The following STAG1 variants were observed in gnomAD, a reference collection of about 807,000 sequenced individuals.
STAG1 encodes cohesin subunit SA-1.
A neutral mutation model predicts 170.9 loss-of-function variants in STAG1; 26 were observed. That is an observed-to-expected ratio of 0.15 (90% confidence interval 0.11 to 0.21). The LOEUF is 0.21. STAG1 is among the 10% of genes least tolerant of loss of function. The probability of loss-of-function intolerance (pLI) is 1.00; values close to 1 mark genes in which losing one functional copy is unlikely to be tolerated. For synonymous variants in STAG1, 514 were observed against 497.7 expected, an observed-to-expected ratio of 1.03 and a Z score of -0.44; for missense variants, 964 against 1,509.5, an observed-to-expected ratio of 0.64 and a Z score of 5.99.
intron 9 of STAG1, among the ~76,000 whole-genome samples, chr3:136,492,055 G>A (rs1053041206): frequency 6.6e-6 from 1 of 152,182 alleles, no homozygotes; most frequent in Non-Finnish European, 1.5e-5. Flanking sequence ...TGGTAAGTGG[G>A]ACACAAAGTG....
chr3:136,585,316 C>A (rs1190158144), intron 4 of STAG1, among the ~76,000 whole-genome samples: 1 of 152,120 alleles, frequency 6.6e-6, no homozygotes, highest in Non-Finnish European at 1.5e-5. Flanking sequence ...GTGGTGTTCA[C>A]CTGTAATCTC....
At chr3:136,669,533 T>C (rs1941916321) in intron 1 of STAG1, among the ~76,000 whole-genome samples, 1 of 151,968 alleles carries the variant, frequency 6.6e-6, no homozygotes, top group Admixed American at 6.6e-5. Context: ...TTTTTATTTT[T>C]ATTTTTGTAG....
chr3:136,393,241 G>A (rs113736374), intron 22 of STAG1, among the ~76,000 whole-genome samples: 178 of 152,188 alleles, frequency 1.2e-3, no homozygotes, highest in African/African-American at 2.5e-3. Flanking sequence ...AAACTTCAGG[G>A]AAAAAATTAA....
intron 7 of STAG1, among the ~76,000 whole-genome samples, chr3:136,520,531 C>T (rs1934620255): frequency 6.6e-6 from 1 of 151,930 alleles, no homozygotes; most frequent in Non-Finnish European, 1.5e-5. Flanking sequence ...ACAGTTAAAG[C>T]AGTGACGGAA....
At chr3:136,370,853 TATA>T (rs1937295162) in intron 23 of STAG1, among the ~76,000 whole-genome samples, 1 of 152,232 alleles carries the variant, frequency 6.6e-6, no homozygotes, top group Admixed American at 6.5e-5. Context: ...CAGCATGATT[TATA>T]ATCCTTTGGG....
At chr3:136,698,003 G>A (rs1226400321) in intron 1 of STAG1, among the ~76,000 whole-genome samples, 1 of 151,616 alleles carries the variant, frequency 6.6e-6, no homozygotes, top group African/African-American at 2.4e-5. Context: ...TATAGACAGA[G>A]CAAGATTACG....
intron 12 of STAG1, among the ~76,000 whole-genome samples, chr3:136,469,061 C>T (rs2089551853): frequency 6.6e-6 from 1 of 152,166 alleles, no homozygotes; most frequent in African/African-American, 2.4e-5. Context: ...AAAGCATTCC[C>T]TTTGAAAACT....
chr3:136,367,425 G>A (rs1483212868), intron 24 of STAG1, among the ~76,000 whole-genome samples: 2 of 151,992 alleles, frequency 1.3e-5, no homozygotes. Context: ...TTTTATTTAA[G>A]AGATTTGGGC....
intron 28 of STAG1, among the ~76,000 whole-genome samples, chr3:136,352,596 C>A (rs1021892317): frequency 6.6e-6 from 1 of 152,160 alleles, no homozygotes; most frequent in African/African-American, 2.4e-5. Context: ...TACAAAGTCC[C>A]CAACTTACAA....
At chr3:136,445,349 ACT>A (rs1365355297) in intron 14 of STAG1, among the ~76,000 whole-genome samples, 1 of 152,162 alleles carries the variant, frequency 6.6e-6, no homozygotes, top group African/African-American at 2.4e-5. Flanking sequence ...GAGGTGCACA[ACT>A]CAAGAGTCAA....
At chr3:136,666,020 C>A (rs552182767) in intron 1 of STAG1, among the ~76,000 whole-genome samples, 1 of 125,174 alleles carries the variant, frequency 8.0e-6, no homozygotes, top group Non-Finnish European at 1.6e-5. Context: ...GCTTGCAGTG[C>A]GCCGAGATTG....
intron 5 of STAG1, among the ~76,000 whole-genome samples, chr3:136,545,548 C>A (rs566985876): frequency 1.1e-4 from 16 of 152,182 alleles, no homozygotes; most frequent in African/African-American, 3.9e-4. Context: ...AAATGTAGAA[C>A]TTAACAGTTA....
At chr3:136,710,500 C>T (rs139748314) in intron 1 of STAG1, among the ~76,000 whole-genome samples, 1,665 of 152,230 alleles carry the variant, frequency 0.011, 15 homozygotes, top group Middle Eastern at 0.027. Context: ...ATTAAGCCTA[C>T]CCGGTACTTT....
intron 1 of STAG1, among the ~76,000 whole-genome samples, chr3:136,714,174 C>T (rs139176773): frequency 5.2e-4 from 79 of 152,114 alleles, no homozygotes; most frequent in African/African-American, 1.8e-3. Context: ...CCTGCACTCC[C>T]GTCTGAGCAA....
Position 136,417,864 on chromosome 3 carries a change from G to A in STAG1, c.2196+21C>T, listed in dbSNP as rs7340531. The A allele has an allele frequency of 1.9e-6, 3 of 1,584,402 alleles. No individual in the cohort carries two copies. In the African/African-American group the frequency reaches 4.0e-5, roughly 21 times the overall value. On this transcript the variant is annotated intron_variant, in intron 21 of 33. Coordinates refer to ENST00000383202, the MANE Select transcript of STAG1 (RefSeq NM_005862.3). ...AACAACTTTCTAGAGTCATACAGAA[G>A]GAATACCAATAAACTCCTACCTGTT...
At chr3:136,497,970 A>G (rs1559841468) in intron 9 of STAG1, among the ~76,000 whole-genome samples, 3 of 151,024 alleles carry the variant, frequency 2.0e-5, no homozygotes. Flanking sequence ...AGGCAGGCAG[A>G]TCACCTGAGG....
At chr3:136,425,055 A>G (rs113276127) in intron 16 of STAG1, among the ~76,000 whole-genome samples, 178 of 151,708 alleles carry the variant, frequency 1.2e-3, no homozygotes, top group African/African-American at 2.5e-3. Flanking sequence ...GGCCAGGATG[A>G]TCTCGATCTC....
intron 1 of STAG1, among the ~76,000 whole-genome samples, chr3:136,714,606 T>C (rs1380649762): frequency 4.6e-5 from 7 of 151,896 alleles, no homozygotes; most frequent in Non-Finnish European, 8.8e-5. Flanking sequence ...CGGGCGCCTG[T>C]AGTCCCAGCT....
At chr3:136,617,966 TTTG>T (rs1276647639) in intron 3 of STAG1, among the ~76,000 whole-genome samples, 1 of 152,236 alleles carries the variant, frequency 6.6e-6, no homozygotes, top group Non-Finnish European at 1.5e-5. Flanking sequence ...TCATTAATCT[TTTG>T]TTGTGCATTC....
Sources: allele counts gnomAD v4.1 joint callset (sites outside exome capture counted in the v4.1 genomes callset), GRCh38; gene constraint gnomAD v4.1.1; transcripts MANE v1.5; gene names NCBI Gene and HGNC (gene_info 2026-07-23, HGNC 2026-07-21).